Variants in NOS1 observed in about 807,000 individuals in gnomAD.
The protein encoded by NOS1 is NOS type I.
A neutral mutation model predicts 164.5 loss-of-function variants in NOS1; 51 were observed. That is an observed-to-expected ratio of 0.31 (90% CI 0.25 to 0.39). NOS1 has a LOEUF of 0.39. Among genes scored for constraint, NOS1 ranks in the 10% least tolerant of loss-of-function variants. The probability of loss-of-function intolerance (pLI) is 1.00; values close to 1 mark genes in which losing one functional copy is unlikely to be tolerated. For missense variants in NOS1, 1,362 were observed against 1,885.6 expected, an observed-to-expected ratio of 0.72 and a Z score of 5.14; for synonymous variants, 719 against 745.8, an observed-to-expected ratio of 0.96 and a Z score of 0.59.
rs755323966 is a variant in NOS1, at chr12:117,244,485, C to T, written c.2824-1050G>A. ...AGCTTCTGGCCTCAAGCAATTTGCCCGCCTCAGCCTCCCAAAGTGCTGGGA... is the reference window on the plus strand; with the variant it reads ...AGCTTCTGGCCTCAAGCAATTTGCCTGCCTCAGCCTCCCAAAGTGCTGGGA... On this transcript the variant is annotated intron_variant, in intron 18 of 28. Coordinates refer to ENST00000317775, the MANE Select transcript of NOS1 (RefSeq NM_000620.5). Among the ~76,000 whole-genome samples the T allele has an allele frequency of 3.3e-5, 5 of 152,066 alleles. No homozygotes were observed. In the South Asian group the frequency reaches 1.0e-3, roughly 32 times the overall value.
chr12:117,210,483 C>T lies in NOS1; in HGVS notation c.*4826G>A. On this transcript the variant is annotated 3_prime_UTR_variant, in exon 29 of 29. Coordinates refer to ENST00000317775, the MANE Select transcript of NOS1 (RefSeq NM_000620.5). ...GCGGCATGCTGGGTATGTGGGGCAG[C>T]GGGTAGGGAAATATACAAGGAAACA... is the stretch of plus-strand genomic sequence containing the variant. 1.0e-6 allele frequency: 1 copy of T among 985,368 alleles called. No individual in the cohort carries two copies. The highest frequency in any genetic ancestry group is 1.7e-5 in the African/African-American group (1 of 57,306). The allele number at this position is 985,368 out of a possible 1,614,324, so 61.0% of individuals were successfully genotyped here.
intron 26 of NOS1, among the ~76,000 whole-genome samples, chr12:117,222,198 A>G (rs1956718170): frequency 6.6e-6 from 1 of 152,028 alleles, no homozygotes. Flanking sequence ...GGATTTGCCT[A>G]TTCTGGATAT....
chr12:117,333,337 G>A (rs978968339), intron 1 of NOS1, among the ~76,000 whole-genome samples: 2 of 152,120 alleles, frequency 1.3e-5, no homozygotes, highest in Non-Finnish European at 2.9e-5. Context: ...ACCTCACCAT[G>A]CTTCAGCACC....
rs761552085 is a variant in NOS1 at position 117,288,252 on chromosome 12, G to A, written c.982-33C>T. 5 of 1,596,324 alleles carry A rather than the reference G, an allele frequency of 3.1e-6. No individual in the cohort carries two copies. In the Admixed American group the frequency reaches 5.0e-5, roughly 16 times the overall value. On this transcript the variant is annotated intron_variant, in intron 4 of 28. Transcript: ENST00000317775. ...ATCAAGAGATTTGGGGTATTGCTTG[G>A]TTTTACCCAAGAGTGGCAGGTGTTA...
In NOS1 at chr12:117,211,498, G is replaced by C. The variant is rs1240034858; in HGVS notation, c.*3811C>G. On this transcript the variant is annotated 3_prime_UTR_variant, in exon 29 of 29. Coordinates refer to ENST00000317775, the MANE Select transcript of NOS1 (RefSeq NM_000620.5). ...TGTCCCTTTTTGAAAAACATTCTTA[G>C]GGACTCCCTGTTGCCTTCTGAATAA... The C allele has an allele frequency of 1.2e-5, 12 of 984,344 alleles. No homozygotes were observed. Among genetic ancestry groups the C allele is most frequent in the Non-Finnish European group, 1.4e-5 (12 of 829,176 alleles). The allele number at this position is 984,344 out of a possible 1,614,324, so 61.0% of individuals were successfully genotyped here. A position where few individuals can be genotyped will look rare whatever the true frequency, so the allele number is the denominator to read the frequency against.
At position 117,214,357 on chromosome 12, in the gene NOS1, C is replaced by A; in HGVS notation, c.*952G>T. 1.0e-6 allele frequency: 1 copy of A among 985,348 alleles called. No homozygotes were observed. The highest frequency in any genetic ancestry group is 1.2e-6 in the Non-Finnish European group (1 of 829,932). The allele number at this position is 985,348 out of a possible 1,614,324, so 61.0% of individuals were successfully genotyped here. ...TCATCCAGTGGCAAAGTGGGAAGATCCTTATTGCCACCAGGCTTCTTTGAA... is the reference window on the plus strand; with the variant it reads ...TCATCCAGTGGCAAAGTGGGAAGATACTTATTGCCACCAGGCTTCTTTGAA... On this transcript the variant is annotated 3_prime_UTR_variant, in exon 29 of 29. Coordinates refer to ENST00000317775, the MANE Select transcript of NOS1 (RefSeq NM_000620.5).
At chr12:117,225,876 T>G (rs2006789) in intron 24 of NOS1, among the ~76,000 whole-genome samples, 70,712 of 152,052 alleles carry the variant, frequency 0.47, 19,129 homozygotes, top group African/African-American at 0.73. Flanking sequence ...TGATCTGCCT[T>G]CCTTGGCCTC....
intron 1 of NOS1, among the ~76,000 whole-genome samples, chr12:117,333,711 G>A (rs922810376): frequency 2.6e-5 from 4 of 152,188 alleles, no homozygotes; most frequent in Admixed American, 1.3e-4. Flanking sequence ...TGCGTCGCCC[G>A]CGTGCTGTGT....
At chr12:117,310,723 C>T (rs1440623292) in intron 3 of NOS1, among the ~76,000 whole-genome samples, 2 of 151,960 alleles carry the variant, frequency 1.3e-5, no homozygotes, top group African/African-American at 4.8e-5. Flanking sequence ...CAGCTCACTG[C>T]AGCCTTGAAC....
intron 2 of NOS1, among the ~76,000 whole-genome samples, chr12:117,328,290 C>G (rs1240261364): frequency 2.6e-5 from 4 of 152,066 alleles, no homozygotes; most frequent in Non-Finnish European, 5.9e-5. Flanking sequence ...CCTGGCTTAG[C>G]CTCCCAAGTA....
In NOS1 at chr12:117,209,218, G is replaced by T. The variant is rs758331253; in HGVS notation, c.*6091C>A. The T allele has an allele frequency of 1.0e-6, 1 of 985,206 alleles. No homozygotes were observed. The highest frequency in any genetic ancestry group is 1.7e-5 in the African/African-American group (1 of 57,222). The allele number at this position is 985,206 out of a possible 1,614,324, so 61.0% of individuals were successfully genotyped here. On this transcript the variant is annotated 3_prime_UTR_variant, in exon 29 of 29. Coordinates refer to ENST00000317775, the MANE Select transcript of NOS1 (RefSeq NM_000620.5). ...TCTTGACCCTGAAGTCCAAGAGAGG[G>T]GTGTTGCCCCCTGGGGACATTGGGC...
At position 117,208,722 on chromosome 12, in the gene NOS1, G is replaced by A; in HGVS notation, c.*6587C>T. 2.0e-6 allele frequency: 2 copies of A among 996,468 alleles called. No homozygotes were observed. The highest frequency in any genetic ancestry group is 2.4e-6 in the Non-Finnish European group (2 of 848,632). The allele number at this position is 996,468 out of a possible 1,614,324, so 61.7% of individuals were successfully genotyped here. A position where few individuals can be genotyped will look rare whatever the true frequency, so the allele number is the denominator to read the frequency against. ...GACTGCCATCCTCTGTTCTGGCATG[G>A]GAGGGCTTTTTTTTTTTTTTCCACA... On this transcript the variant is annotated 3_prime_UTR_variant, in exon 29 of 29. Coordinates refer to ENST00000317775, the MANE Select transcript of NOS1 (RefSeq NM_000620.5).
At chr12:117,259,991 C>T (rs979913356) in intron 14 of NOS1, among the ~76,000 whole-genome samples, 27 of 151,912 alleles carry the variant, frequency 1.8e-4, no homozygotes, top group African/African-American at 4.3e-4. Flanking sequence ...TGGTGGTGGG[C>T]GCCTGCAGTC....
At chr12:117,262,279 C>A (rs578060543) in intron 13 of NOS1, among the ~76,000 whole-genome samples, 2 of 152,040 alleles carry the variant, frequency 1.3e-5, no homozygotes, top group Admixed American at 6.6e-5. Flanking sequence ...CCTTTCCCCC[C>A]AGAGACAGTG....
intron 14 of NOS1, among the ~76,000 whole-genome samples, chr12:117,259,612 G>A (rs1871724092): frequency 6.6e-6 from 1 of 152,156 alleles, no homozygotes; most frequent in South Asian, 2.1e-4. Context: ...TCTGCCTTCT[G>A]GAAAGATGAT....
At chr12:117,326,476 CTA>C (rs978518379) in intron 2 of NOS1, among the ~76,000 whole-genome samples, 1 of 152,164 alleles carries the variant, frequency 6.6e-6, no homozygotes, top group African/African-American at 2.4e-5. Flanking sequence ...AGGACACACA[CTA>C]TGATTAAATA....
At chr12:117,242,381 C>G (rs1312112998) in intron 20 of NOS1, among the ~76,000 whole-genome samples, 1 of 152,212 alleles carries the variant, frequency 6.6e-6, no homozygotes, top group Admixed American at 6.5e-5. Flanking sequence ...TTAAAAATCA[C>G]TCAGAAAACC....
In NOS1 at chr12:117,268,240, CTTTTT is replaced by C. The variant is rs1301263915; in HGVS notation, c.1840-101_1840-97del. The C allele has an allele frequency of 3.5e-6, 3 of 850,068 alleles. No homozygotes were observed. The East Asian group carries it at 7.7e-5, about 22-fold the overall frequency. The allele number at this position is 850,068 out of a possible 1,614,324, so 52.7% of individuals were successfully genotyped here. Reference sequence around the variant, plus strand: ...CTAGTGGCGTGAAATAATTTCTTTTCTTTTTTTTTAAATGGACTCTCGCTCTGTCG... The same window carrying C: ...CTAGTGGCGTGAAATAATTTCTTTTCTTTTAAATGGACTCTCGCTCTGTCG... On this transcript the variant is annotated intron_variant, in intron 10 of 28. Transcript: ENST00000317775.
intron 1 of NOS1, among the ~76,000 whole-genome samples, chr12:117,351,251 T>A (rs1210019163): frequency 6.6e-6 from 1 of 152,190 alleles, no homozygotes; most frequent in East Asian, 1.9e-4. Flanking sequence ...CCTCTCTTAG[T>A]GCTGTAGTCT....
Sources: gnomAD v4.1 joint callset for allele counts (sites outside exome capture counted in the v4.1 genomes callset) on GRCh38, gnomAD v4.1.1 for gene constraint, MANE v1.5 for transcripts, NCBI Gene and HGNC (gene_info 2026-07-23, HGNC 2026-07-21) for gene names.